Variants in PCDHA3 observed in about 807,000 individuals in gnomAD.
The protein encoded by PCDHA3 is protocadherin alpha 3.
A neutral mutation model predicts 62.2 loss-of-function variants in PCDHA3; 41 were observed. That is an observed-to-expected ratio of 0.66 (90% CI 0.51 to 0.86). PCDHA3 has a LOEUF of 0.86. PCDHA3 is among the 40% of genes least tolerant of loss of function. The pLI, the probability that PCDHA3 is intolerant of heterozygous loss-of-function variation, is 0.00. For missense variants in PCDHA3, 1,304 were observed against 1,241.2 expected (o/e 1.05, Z -0.76); for synonymous variants, 640 against 555.4 (o/e 1.15, Z -2.14).
intron 1 of PCDHA3, chr5:140,842,985 T>G (rs1322607138): frequency 1.3e-6 from 2 of 1,594,870 alleles, no homozygotes; most frequent in Non-Finnish European, 1.7e-6. Flanking sequence ...CAGGTGTTCG[T>G]GCTGGACGAG....
intron 1 of PCDHA3, chr5:140,805,037 A>T: frequency 1.3e-6 from 2 of 1,585,878 alleles, no homozygotes; most frequent in Non-Finnish European, 1.7e-6. Context: ...TAATAGAGTC[A>T]GCCAAAGTAC....
intron 1 of PCDHA3, among the ~76,000 whole-genome samples, chr5:140,944,988 G>A (rs1554216650): frequency 6.6e-6 from 1 of 152,048 alleles, no homozygotes; most frequent in Non-Finnish European, 1.5e-5. Flanking sequence ...GTCTACTTCT[G>A]TAACGGTTGT....
intron 1 of PCDHA3, chr5:140,968,057 C>T (rs781959040): frequency 1.5e-5 from 24 of 1,613,992 alleles, no homozygotes; most frequent in East Asian, 6.7e-5. Context: ...GGACCGAGAG[C>T]GGGTGGCTGT....
At chr5:140,842,201 A>G (rs2150331632) in intron 1 of PCDHA3, 2 of 1,613,740 alleles carry the variant, frequency 1.2e-6, no homozygotes, top group East Asian at 2.2e-5. Context: ...TGACCACTTT[A>G]GCATAGATCG....
chr5:140,955,677 G>A (rs989922322), intron 1 of PCDHA3, among the ~76,000 whole-genome samples: 6 of 151,960 alleles, frequency 3.9e-5, no homozygotes, highest in African/African-American at 1.2e-4. Context: ...TAGTTTTTTC[G>A]AAATCTGTGA....
At chr5:140,838,077 AGTGTGTGTGTGTGTGTGTGT>A (rs57130401) in intron 1 of PCDHA3, among the ~76,000 whole-genome samples, 40 of 80,696 alleles carry the variant, frequency 5.0e-4, no homozygotes, top group Middle Eastern at 0.015. Flanking sequence ...ATATATATAT[AGTGTGTGTGTGTGTGTGTGT>A]GTGTGTGTGT....
chr5:140,967,173 T>C, intron 1 of PCDHA3: 1 of 1,611,178 alleles, frequency 6.2e-7, no homozygotes, highest in Non-Finnish European at 8.5e-7. Context: ...GCCGTTGAGG[T>C]GGAAATATTG....
At chr5:140,902,677 G>A (rs1457054226) in intron 1 of PCDHA3, among the ~76,000 whole-genome samples, 6 of 151,960 alleles carry the variant, frequency 3.9e-5, no homozygotes, top group Non-Finnish European at 5.9e-5. Flanking sequence ...AGTGTACACC[G>A]TACCTAATAT....
At chr5:140,828,262 G>A in intron 1 of PCDHA3, 2 of 1,614,018 alleles carry the variant, frequency 1.2e-6, no homozygotes, top group Non-Finnish European at 8.5e-7. Context: ...TGGAGCTGGC[G>A]GAGCTGGTGC....
rs2150329529 is a variant in PCDHA3, at chr5:140,842,109, A to G, written c.2394+38518A>G. 642 of 1,613,342 alleles carry G rather than the reference A, an allele frequency of 4.0e-4. 8 individuals are homozygous for G. Among genetic ancestry groups the G allele is most frequent in the South Asian group, 3.7e-3 (331 of 90,644 alleles). On this transcript the variant is annotated intron_variant, in intron 1 of 3. Transcript: ENST00000522353. ...GCAGACAACGGAACAACAGTTATCA[A>G]ACTGAATGCTTCTGATCCGGATGAA...
At chr5:140,834,297 C>T (rs2150214922) in intron 1 of PCDHA3, 4 of 1,251,276 alleles carry the variant, frequency 3.2e-6, no homozygotes, top group African/African-American at 3.0e-5. Flanking sequence ...AATGGCCACA[C>T]ATCGAGATTG....
chr5:140,846,559 A>G (rs1780557744), intron 1 of PCDHA3, among the ~76,000 whole-genome samples: 1 of 147,840 alleles, frequency 6.8e-6, no homozygotes, highest in South Asian at 2.1e-4. Context: ...TATTTTTAGT[A>G]GAGTCGGGGT....
At chr5:140,968,173 C>T (rs782043932) in intron 1 of PCDHA3, 10 of 1,614,104 alleles carry the variant, frequency 6.2e-6, no homozygotes, top group Admixed American at 1.7e-5. Flanking sequence ...CACCAAGCTT[C>T]CTGGAGGACT....
intron 3 of PCDHA3, among the ~76,000 whole-genome samples, chr5:141,000,351 GTCTC>G (rs1554257240): frequency 3.0e-5 from 2 of 66,862 alleles, no homozygotes. Flanking sequence ...CTCTCTCTCT[GTCTC>G]TCTCTGTCTC....
At chr5:140,857,216 C>T in intron 1 of PCDHA3, 1 of 1,598,490 alleles carries the variant, frequency 6.3e-7, no homozygotes, top group Non-Finnish European at 8.6e-7. Flanking sequence ...CTCTCTGACG[C>T]CTCACGTTCC....
intron 1 of PCDHA3, chr5:140,841,892 C>G: frequency 6.2e-7 from 1 of 1,613,788 alleles, no homozygotes; most frequent in South Asian, 1.1e-5. Flanking sequence ...TGAGAATAAA[C>G]TGGTTGAGCT....
At chr5:140,822,488 C>T (rs2150116764) in intron 1 of PCDHA3, 5 of 1,613,604 alleles carry the variant, frequency 3.1e-6, no homozygotes, top group Middle Eastern at 1.6e-4. Context: ...AATGATAACG[C>T]CCCAGAATTT....
chr5:140,986,036 G>A (rs2097184937), intron 3 of PCDHA3, among the ~76,000 whole-genome samples: 2 of 152,116 alleles, frequency 1.3e-5, no homozygotes, highest in Admixed American at 1.3e-4. Context: ...ACTGCGCCTG[G>A]CCTCACTGAT....
intron 1 of PCDHA3, among the ~76,000 whole-genome samples, chr5:140,912,641 G>C (rs2076009138): frequency 6.6e-6 from 1 of 152,128 alleles, no homozygotes; most frequent in African/African-American, 2.4e-5. Flanking sequence ...TCAGTACTAT[G>C]TTGAATAGAA....
Sources: gnomAD v4.1 joint callset for allele counts (sites outside exome capture counted in the v4.1 genomes callset) on GRCh38, gnomAD v4.1.1 for gene constraint, MANE v1.5 for transcripts, NCBI Gene and HGNC (gene_info 2026-07-23, HGNC 2026-07-21) for gene names.